The following SLC25A16 variants were observed in gnomAD, a reference collection of about 807,000 sequenced individuals.
SLC25A16 encodes the protein mitochondrial coenzyme A transporter SLC25A16.
In SLC25A16, 39 loss-of-function variants were observed where a neutral mutation model predicts 41.5. The observed-to-expected ratio is 0.94, with a 90% CI of 0.73 to 1.23. The LOEUF is 1.23. SLC25A16 is among the 50% of genes most tolerant of loss of function. SLC25A16 has a pLI of 0.00. For missense variants in SLC25A16, 421 were observed against 426.9 expected, an observed-to-expected ratio of 0.99 and a Z score of 0.12; for synonymous variants, 146 against 147.8, an observed-to-expected ratio of 0.99 and a Z score of 0.09.
intron 2 of SLC25A16, among the ~76,000 whole-genome samples, chr10:68,511,308 A>G (rs1017938416): frequency 6.6e-6 from 1 of 152,204 alleles, no homozygotes; most frequent in Non-Finnish European, 1.5e-5. Flanking sequence ...GGGCTCGTAT[A>G]TATTAAAAAT....
At chr10:68,511,667 T>G (rs997816198) in intron 2 of SLC25A16, among the ~76,000 whole-genome samples, 1 of 152,178 alleles carries the variant, frequency 6.6e-6, no homozygotes, top group African/African-American at 2.4e-5. Flanking sequence ...TCCAGTTTTT[T>G]ATAATCTCTC....
At chr10:68,509,380 T>TACTC (rs1369910922) in intron 2 of SLC25A16, among the ~76,000 whole-genome samples, 1 of 151,870 alleles carries the variant, frequency 6.6e-6, no homozygotes, top group Non-Finnish European at 1.5e-5. Context: ...TTTTTAAATA[T>TACTC]ACTCCTTCCT....
In SLC25A16 at chr10:68,527,470, C is replaced by G. The variant is rs1564933812; in HGVS notation, c.-95G>C. ...CAGGCGGTGACAGGAGGCTGACCGC[C>G]CCGCCGGCGGGGCAAAGTAACACCC... On this transcript the variant is annotated 5_prime_UTR_variant, in exon 1 of 9. Coordinates refer to ENST00000609923, the MANE Select transcript of SLC25A16 (RefSeq NM_152707.4). 7.8e-6 allele frequency: 10 copies of G among 1,282,584 alleles called. No individual in the cohort carries two copies. Among genetic ancestry groups the G allele is most frequent in the Non-Finnish European group, 9.2e-6 (9 of 982,092 alleles). The allele number at this position is 1,282,584 out of a possible 1,614,324, so 79.5% of individuals were successfully genotyped here.
At chr10:68,497,374 G>C (rs191055597) in intron 4 of SLC25A16, among the ~76,000 whole-genome samples, 1 of 152,304 alleles carries the variant, frequency 6.6e-6, no homozygotes, top group Admixed American at 6.5e-5. Context: ...ATAATAGTTT[G>C]TCCTTTGGGA....
Position 68,499,658 on chromosome 10 carries a change from A to G in SLC25A16, c.421+3974T>C, listed in dbSNP as rs1030766987. ...TTCCAAAGAGCTGAGACAGAAATAC[A>G]ATGTGTGATCCATGCCCATCCGAAA... is the stretch of plus-strand genomic sequence containing the variant. On this transcript the variant is annotated intron_variant, in intron 4 of 8. Coordinates refer to ENST00000609923, the MANE Select transcript of SLC25A16 (RefSeq NM_152707.4). The G allele has an allele frequency of 8.3e-6, 3 of 361,302 alleles. No homozygotes were observed. In the East Asian group the frequency reaches 2.1e-4, roughly 25 times the overall value. The allele number at this position is 361,302 out of a possible 1,614,324, so 22.4% of individuals were successfully genotyped here.
chr10:68,489,760 G>A (rs2052625488), intron 6 of SLC25A16, among the ~76,000 whole-genome samples: 1 of 152,022 alleles, frequency 6.6e-6, no homozygotes, highest in African/African-American at 2.4e-5. Flanking sequence ...TATTAGCTGG[G>A]TGTGGTGGTG....
intron 4 of SLC25A16, among the ~76,000 whole-genome samples, chr10:68,495,856 T>C (rs1273415400): frequency 6.6e-6 from 1 of 150,772 alleles, no homozygotes; most frequent in Admixed American, 6.6e-5. Flanking sequence ...TAGACTCTAC[T>C]ACTAACTAGA....
chr10:68,489,377 T>C (rs567594462), intron 6 of SLC25A16, among the ~76,000 whole-genome samples: 6 of 152,334 alleles, frequency 3.9e-5, no homozygotes, highest in Admixed American at 2.0e-4. Context: ...TGTCTAAGTT[T>C]GTCTTCAAGG....
rs891345079 is a variant in SLC25A16, at chr10:68,488,572, G to A, written c.668C>T (p.Thr223Ile). The change falls in exon 7 of 9, where the codon ACC becomes ATC. Residue 223 changes from threonine (T) to isoleucine (I), a missense_variant. Physicochemically the swap from Thr to Ile is moderately conservative, Grantham distance 89. Coordinates refer to ENST00000609923, the MANE Select transcript of SLC25A16 (RefSeq NM_152707.4). ...LKSVGLSHAP[T>I]LLGRPSSDNP... is the part of the protein sequence containing the mutation. Reference sequence around the variant, plus strand: ...GTCTGATGAAGGTCTGCCAAGAAGGGTAGGAGCATGGGAAAGCCCAACACT... The same window carrying A: ...GTCTGATGAAGGTCTGCCAAGAAGGATAGGAGCATGGGAAAGCCCAACACT... 2 of 1,610,986 alleles carry A rather than the reference G, an allele frequency of 1.2e-6. No individual in the cohort carries two copies. The highest frequency in any genetic ancestry group is 1.7e-6 in the Non-Finnish European group (2 of 1,179,312).
At chr10:68,505,973 A>C (rs891977686) in intron 3 of SLC25A16, among the ~76,000 whole-genome samples, 4 of 152,066 alleles carry the variant, frequency 2.6e-5, no homozygotes, top group Non-Finnish European at 5.9e-5. Flanking sequence ...TGGAGGTGGC[A>C]GTGAGCCAAG....
At chr10:68,499,466 C>T (rs533524039) in intron 4 of SLC25A16, 2 of 165,220 alleles carry the variant, frequency 1.2e-5, no homozygotes, top group South Asian at 1.6e-4. Flanking sequence ...AAGAAGGAGA[C>T]CTTCCTTAAA....
Position 68,493,688 on chromosome 10 carries a change from G to T in SLC25A16, c.422-118C>A, listed in dbSNP as rs184780265. ...TGGTGAAAACCCAATAAAATCAAAG[G>T]TGATATTACTGACAGAATTATACCA... On this transcript the variant is annotated intron_variant, in intron 4 of 8. Transcript: ENST00000609923. The T allele has an allele frequency of 3.5e-5, 27 of 780,630 alleles. No homozygotes were observed. In the East Asian group the frequency reaches 6.8e-4, roughly 20 times the overall value. 48.4% of individuals were successfully genotyped at this position (780,630 alleles called of 1,614,324 possible). A position where few individuals can be genotyped will look rare whatever the true frequency, so the allele number is the denominator to read the frequency against.
intron 6 of SLC25A16, among the ~76,000 whole-genome samples, chr10:68,489,433 A>G (rs1309271662): frequency 1.3e-5 from 2 of 152,222 alleles, no homozygotes; most frequent in Admixed American, 6.5e-5. Context: ...TTCACAAAAC[A>G]CGTAGAATCT....
chr10:68,491,116 TA>T (rs1158784964), intron 6 of SLC25A16, among the ~76,000 whole-genome samples: 6 of 152,000 alleles, frequency 3.9e-5, no homozygotes, highest in Non-Finnish European at 7.4e-5. Context: ...TAGGCTCAAG[TA>T]ATCCTCCTGC....
rs1201425875 is a variant in SLC25A16 at position 68,488,479 on chromosome 10, G to A, written c.761C>T (p.Ala254Val). Residue 254 changes from alanine (A) to valine (V), a missense_variant, in exon 7 of 9, where the codon GCG (alanine) becomes GTG (valine). Ala to Val is a moderately conservative substitution (Grantham distance 64, BLOSUM62 0). Coordinates refer to ENST00000609923, the MANE Select transcript of SLC25A16 (RefSeq NM_152707.4). ...LLCGGVAGAI[A>V]QTISYPFDVT... ...TGAAGAAACTTACGATATTGTCTGC[G>A]CTATTGCTCCAGCAACACCACCACA... The A allele has an allele frequency of 3.9e-6, 6 of 1,539,284 alleles. No homozygotes were observed. Among genetic ancestry groups the A allele is most frequent in the African/African-American group, 1.4e-5 (1 of 70,938 alleles).
rs1165004465 is a variant in SLC25A16, at chr10:68,493,590, T to G, written c.422-20A>C. ...TCATACCTGAAAAGAAAGTAGAAAT[T>G]TAGAGGTACAATGAATTTTTGATAT... is the stretch of plus-strand genomic sequence containing the variant. On this transcript the variant is annotated intron_variant, in intron 4 of 8. Transcript: ENST00000609923. The G allele has an allele frequency of 8.1e-6, 13 of 1,600,008 alleles. No individual in the cohort carries two copies. Among genetic ancestry groups the G allele is most frequent in the Non-Finnish European group, 1.1e-5 (13 of 1,167,874 alleles).
At position 68,516,737 on chromosome 10, in the gene SLC25A16, A is replaced by C. The variant is rs762636480; in HGVS notation, c.223+14T>G. 1 of 1,507,318 alleles carries C rather than the reference A, an allele frequency of 6.6e-7. No individual in the cohort carries two copies. The highest frequency in any genetic ancestry group is 1.8e-5 in the Admixed American group (1 of 55,638). 93.4% of individuals were successfully genotyped at this position (1,507,318 alleles called of 1,614,324 possible). A position where few individuals can be genotyped will look rare whatever the true frequency, so the allele number is the denominator to read the frequency against. On this transcript the variant is annotated intron_variant, in intron 2 of 8. Coordinates refer to ENST00000609923, the MANE Select transcript of SLC25A16 (RefSeq NM_152707.4). ...ATTTTCATTCATTTTTATCTTTAGCATCTATTAACTCACCTAAATGCTTGT... is the reference window on the plus strand; with the variant it reads ...ATTTTCATTCATTTTTATCTTTAGCCTCTATTAACTCACCTAAATGCTTGT...
chr10:68,520,301 C>G (rs1170580324), intron 1 of SLC25A16, among the ~76,000 whole-genome samples: 1 of 152,090 alleles, frequency 6.6e-6, no homozygotes, highest in African/African-American at 2.4e-5. Flanking sequence ...GATAGTCCCC[C>G]CTTATCTGCA....
Position 68,483,106 on chromosome 10 carries a change from C to G in SLC25A16, c.*326G>C, listed in dbSNP as rs2052504280. The G allele has an allele frequency of 5.8e-6, 1 of 173,774 alleles. No homozygotes were observed. The highest frequency in any genetic ancestry group is 6.3e-5 in the Admixed American group (1 of 15,890). The allele number at this position is 173,774 out of a possible 1,614,324, so 10.8% of individuals were successfully genotyped here. On this transcript the variant is annotated 3_prime_UTR_variant, in exon 9 of 9. Transcript: ENST00000609923. ...TAAAAACCATGATAACAATTAAAAA[C>G]TTTGAACAGCATGACAAAGCTAATG... is the stretch of plus-strand genomic sequence containing the variant.
Sources: allele counts gnomAD v4.1 joint callset (sites outside exome capture counted in the v4.1 genomes callset), GRCh38; gene constraint gnomAD v4.1.1; transcripts MANE v1.5; gene names NCBI Gene and HGNC (gene_info 2026-07-23, HGNC 2026-07-21).